MAMLD1: variants seen among roughly 807,000 people sequenced by gnomAD.
The protein encoded by MAMLD1 is mastermind-like domain-containing protein 1.
In MAMLD1, 14 loss-of-function variants were observed where a neutral mutation model predicts 45.0. The ratio of observed to expected loss-of-function variants is 0.31; its 90% CI spans 0.21 to 0.49. The LOEUF (loss-of-function observed/expected upper bound fraction) is 0.49. Ranked by LOEUF, MAMLD1 falls within the 20% of genes least tolerant of loss-of-function variation. The pLI is 0.99. For synonymous variants in MAMLD1, 254 were observed against 247.8 expected (o/e 1.02, Z -0.24); for missense variants, 543 against 603.6 (o/e 0.90, Z 1.05).
In MAMLD1 at chrX:150,470,648, C is replaced by T. The variant is rs41313406; in HGVS notation, c.1075C>T (p.Pro359Ser). The T allele has an allele frequency of 0.11, 132,902 of 1,209,970 alleles. 5,619 individuals carry two copies. The highest frequency in any genetic ancestry group is 0.13 in the Non-Finnish European group (113,771 of 895,088). The stretch of plus-strand genomic sequence containing the variant: ...GCTGCCACTGCCACCACCACCACCC[C>T]CATTCAGCCCCCAGAGCCTCATGGT... ...PPLPLPPPPP[P>S]FSPQSLMVSC... The change falls in exon 4 of 8, where the codon CCA becomes TCA. Residue 359 changes from proline (P) to serine (S), a missense_variant. Physicochemically the swap from Pro to Ser is moderately conservative, Grantham distance 74. Transcript: ENST00000370401.
In MAMLD1 at chrX:150,483,538, G is replaced by A. The variant is rs184179815; in HGVS notation, c.2040+9736G>A. On this transcript the variant is annotated intron_variant, in intron 5 of 7. Transcript: ENST00000370401. ...TAGACACTCTCAGTCTTCAAGGCTT[G>A]GAGGCCGATGAACCCATATTCTTGC... is the stretch of plus-strand genomic sequence containing the variant. Among the ~76,000 whole-genome samples, 17 of 112,667 alleles carry A rather than the reference G, an allele frequency of 1.5e-4. No individual in the cohort carries two copies. In the Admixed American group the frequency reaches 1.6e-3, roughly 11 times the overall value.
intron 2 of MAMLD1, among the ~76,000 whole-genome samples, chrX:150,446,983 C>T (rs781832839): frequency 8.9e-5 from 10 of 112,353 alleles, no homozygotes; most frequent in African/African-American, 3.2e-4. Flanking sequence ...TCTTCCCCTT[C>T]TCCCCAACTC....
intron 5 of MAMLD1, among the ~76,000 whole-genome samples, chrX:150,500,159 G>A (rs2037509385): frequency 8.9e-6 from 1 of 112,151 alleles, no homozygotes; most frequent in Admixed American, 9.4e-5. Flanking sequence ...TCAGCCACAG[G>A]AGCTGGACCT....
intron 1 of MAMLD1, among the ~76,000 whole-genome samples, chrX:150,390,214 C>G (rs782066880): frequency 5.4e-5 from 6 of 111,655 alleles, no homozygotes; most frequent in Middle Eastern, 4.6e-3. Flanking sequence ...TACAGACATG[C>G]GCCACCATGC....
chrX:150,513,422 T>C lies in MAMLD1; in HGVS notation c.*1463T>C. ...CAAATATGCAGACCGTGTTGTTTGC[T>C]CCAGTGATACCTTGTTAAGCTAGGT... On this transcript the variant is annotated 3_prime_UTR_variant, in exon 8 of 8. Coordinates refer to ENST00000370401, the MANE Select transcript of MAMLD1 (RefSeq NM_005491.5). The C allele has an allele frequency of 3.3e-6, 1 of 306,605 alleles. No homozygotes were observed. The highest frequency in any genetic ancestry group is 5.7e-6 in the Non-Finnish European group (1 of 175,810). 25.3% of individuals were successfully genotyped at this position (306,605 alleles called of 1,213,427 possible). A position where few individuals can be genotyped will look rare whatever the true frequency, so the allele number is the denominator to read the frequency against.
intron 1 of MAMLD1, among the ~76,000 whole-genome samples, chrX:150,388,868 T>C (rs140298591): frequency 3.4e-3 from 379 of 112,100 alleles, no homozygotes; most frequent in African/African-American, 0.012. Context: ...TGAGTATATT[T>C]TGCACTTCTT....
intron 5 of MAMLD1, among the ~76,000 whole-genome samples, chrX:150,491,785 A>G (rs1358997554): frequency 1.8e-5 from 2 of 111,691 alleles, no homozygotes; most frequent in African/African-American, 6.5e-5. Context: ...AAAAGGGGAG[A>G]CAGGCATCTC....
intron 2 of MAMLD1, among the ~76,000 whole-genome samples, chrX:150,455,777 CTTCT>C (rs1219082759): frequency 5.7e-3 from 475 of 83,986 alleles, no homozygotes; most frequent in Non-Finnish European, 6.1e-3. Flanking sequence ...TCTTCTTCTT[CTTCT>C]TTTTTTTTTT....
At position 150,470,159 on chromosome X, in the gene MAMLD1, C is replaced by T; in HGVS notation, c.586C>T (p.Leu196Phe). Residue 196 changes from leucine to phenylalanine, a missense_variant, in exon 4 of 8, where the codon CTT (leucine) becomes TTT (phenylalanine). Physicochemically the swap from Leu to Phe is conservative, Grantham distance 22 (BLOSUM62 0). Coordinates refer to ENST00000370401, the MANE Select transcript of MAMLD1 (RefSeq NM_005491.5). ...AGACCCTTCTCCAAATGAGCTAGAT[C>T]TTGAGAAGATACTGGGGACGAAGCC... is the stretch of plus-strand genomic sequence containing the variant. ...IQDPSPNELD[L>F]EKILGTKPEE... 1 of 1,211,783 alleles carries T rather than the reference C, an allele frequency of 8.3e-7. No homozygotes were observed. The highest frequency in any genetic ancestry group is 1.1e-6 in the Non-Finnish European group (1 of 895,505).
Position 150,513,436 on chromosome X carries a change from G to C in MAMLD1, c.*1477G>C. ...GTGTTGTTTGCTCCAGTGATACCTT[G>C]TTAAGCTAGGTGGCTGAGTCGCTTA... On this transcript the variant is annotated 3_prime_UTR_variant, in exon 8 of 8. Coordinates refer to ENST00000370401, the MANE Select transcript of MAMLD1 (RefSeq NM_005491.5). 3.3e-6 allele frequency: 1 copy of C among 299,837 alleles called. No individual in the cohort carries two copies. The highest frequency in any genetic ancestry group is 5.8e-6 in the Non-Finnish European group (1 of 171,550). The allele number at this position is 299,837 out of a possible 1,213,427, so 24.7% of individuals were successfully genotyped here.
rs1557409175 is a variant in MAMLD1, at chrX:150,512,305, A to C, written c.*346A>C. The C allele has an allele frequency of 1.8e-6, 2 of 1,125,894 alleles. No homozygotes were observed. Among genetic ancestry groups the C allele is most frequent in the African/African-American group, 3.6e-5 (2 of 55,281 alleles). 92.8% of individuals were successfully genotyped at this position (1,125,894 alleles called of 1,213,427 possible). A position where few individuals can be genotyped will look rare whatever the true frequency, so the allele number is the denominator to read the frequency against. On this transcript the variant is annotated 3_prime_UTR_variant, in exon 8 of 8. Coordinates refer to ENST00000370401, the MANE Select transcript of MAMLD1 (RefSeq NM_005491.5). ...AGAGTCCCAAGGCCACCCCACCAGA[A>C]GTGCCCCTGCCTGGGTTCTGTCCCA...
chrX:150,446,004 G>C (rs1386827835), intron 2 of MAMLD1, among the ~76,000 whole-genome samples: 1 of 111,737 alleles, frequency 8.9e-6, no homozygotes, highest in Non-Finnish European at 1.9e-5. Context: ...CAAAAAGCTA[G>C]TGAGTAGGCA....
At chrX:150,464,297 G>A (rs1282920067) in intron 3 of MAMLD1, among the ~76,000 whole-genome samples, 1 of 111,628 alleles carries the variant, frequency 9.0e-6, no homozygotes, top group East Asian at 2.8e-4. Flanking sequence ...CGAGGTTCTT[G>A]CTCCAAACCA....
chrX:150,388,939 C>T (rs1242289393), intron 1 of MAMLD1, among the ~76,000 whole-genome samples: 5 of 112,218 alleles, frequency 4.5e-5, no homozygotes, highest in Non-Finnish European at 9.4e-5. Context: ...TGATACCTTT[C>T]GTTTTTCCTA....
At chrX:150,387,169 T>C (rs1319139267) in intron 1 of MAMLD1, among the ~76,000 whole-genome samples, 5 of 111,846 alleles carry the variant, frequency 4.5e-5, no homozygotes, top group Non-Finnish European at 7.5e-5. Flanking sequence ...TTTCTCAATC[T>C]AAGGATTATA....
At chrX:150,374,476 C>G (rs1368597885) in intron 1 of MAMLD1, among the ~76,000 whole-genome samples, 2 of 112,641 alleles carry the variant, frequency 1.8e-5, no homozygotes, top group African/African-American at 3.2e-5. Context: ...ATGGGTTGCT[C>G]TCTTTAGTGT....
intron 1 of MAMLD1, among the ~76,000 whole-genome samples, chrX:150,370,225 C>G (rs149957829): frequency 9.1e-6 from 1 of 109,951 alleles, no homozygotes; most frequent in South Asian, 4.0e-4. Context: ...ACAACGCCAC[C>G]GAGGGGTAAC....
intron 1 of MAMLD1, among the ~76,000 whole-genome samples, chrX:150,395,088 T>A (rs1181833297): frequency 6.3e-5 from 7 of 111,605 alleles, no homozygotes; most frequent in Admixed American, 1.9e-4. Context: ...AATATTCTTT[T>A]TCAAGTTGAG....
At chrX:150,364,016 C>T (rs1220240275) in intron 1 of MAMLD1, among the ~76,000 whole-genome samples, 1 of 113,053 alleles carries the variant, frequency 8.8e-6, no homozygotes, top group Non-Finnish European at 1.9e-5. Flanking sequence ...CGCTGTTTGC[C>T]GCCTCTGAGC....
Sources: gnomAD v4.1 joint callset for allele counts (sites outside exome capture counted in the v4.1 genomes callset) on GRCh38, gnomAD v4.1.1 for gene constraint, MANE v1.5 for transcripts, NCBI Gene and HGNC (gene_info 2026-07-23, HGNC 2026-07-21) for gene names.